ZC3H4: variants seen among roughly 807,000 people sequenced by gnomAD.
ZC3H4 encodes the protein zinc finger CCCH-type containing 4, also known as zinc finger CCCH domain-containing protein 4.
A neutral mutation model predicts 108.3 loss-of-function variants in ZC3H4; 13 were observed. The ratio of observed to expected loss-of-function variants is 0.12; its 90% CI spans 0.08 to 0.19. ZC3H4 has a LOEUF of 0.19. Ranked by LOEUF, ZC3H4 falls within the 10% of genes least tolerant of loss-of-function variation. The pLI is 1.00. For missense variants in ZC3H4, 1,734 were observed against 1,838.8 expected, an observed-to-expected ratio of 0.94 and a Z score of 1.04; for synonymous variants, 917 against 749.6, an observed-to-expected ratio of 1.22 and a Z score of -3.65.
At position 47,086,538 on chromosome 19, in the gene ZC3H4, C is replaced by T; in HGVS notation, c.716G>A (p.Gly239Asp). The change falls in exon 6 of 15, where the codon GGC becomes GAC. Residue 239 changes from glycine to aspartate, a missense_variant and splice_region_variant. By Grantham distance (94) the Gly-to-Asp change is moderately conservative (BLOSUM62 -1). This residue lies in a region of ZC3H4 where 403 missense variants were observed against 457.0 expected (regional missense o/e 0.88). Coordinates refer to ENST00000253048, the MANE Select transcript of ZC3H4 (RefSeq NM_015168.2). ...GTAGCCCCGGCCCCGGCCTCGGCTG[C>T]CTGCATGGAGATTCAGATAGTGAGC... is the stretch of plus-strand genomic sequence containing the variant. ...RAKEGSSRGR[G>D]SRGRGRGYRG... is the part of the protein sequence containing the mutation. 1 of 1,583,264 alleles carries T rather than the reference C, an allele frequency of 6.3e-7. No individual in the cohort carries two copies. The highest frequency in any genetic ancestry group is 8.5e-7 in the Non-Finnish European group (1 of 1,172,218).
intron 11 of ZC3H4, among the ~76,000 whole-genome samples, chr19:47,075,271 C>T (rs924593037): frequency 2.0e-5 from 3 of 152,140 alleles, no homozygotes; most frequent in Admixed American, 1.3e-4. Flanking sequence ...AGGCAGAACC[C>T]GCATTCTGCC....
intron 13 of ZC3H4, 55 bp from the exon 14 acceptor site, chr19:47,069,398 T>G: frequency 1.3e-6 from 2 of 1,573,284 alleles, no homozygotes; most frequent in African/African-American, 2.7e-5. Flanking sequence ...AGGTGCCAAC[T>G]CCAGCCCCCC....
At chr19:47,087,397 T>A (rs1212090145) in intron 5 of ZC3H4, among the ~76,000 whole-genome samples, 2 of 151,522 alleles carry the variant, frequency 1.3e-5, no homozygotes, top group African/African-American at 4.8e-5. Context: ...GAAAACAGAT[T>A]ATCAAAATTA....
chr19:47,104,319 AAAT>A (rs566928989), intron 2 of ZC3H4, among the ~76,000 whole-genome samples: 1 of 151,998 alleles, frequency 6.6e-6, no homozygotes, highest in Non-Finnish European at 1.5e-5. Context: ...ACTCTGTCTA[AAAT>A]AATAATAATA....
chr19:47,087,340 G>C (rs1348653992), intron 5 of ZC3H4, among the ~76,000 whole-genome samples: 1 of 151,184 alleles, frequency 6.6e-6, no homozygotes, highest in African/African-American at 2.4e-5. Context: ...TATCTCATTT[G>C]TCTAATTTGA....
rs1392805309 is a variant in ZC3H4, at chr19:47,064,896, TGAG to T, written c.*1457_*1459del. 6.6e-6 allele frequency: 1 copy of T among 152,116 alleles called. No individual in the cohort carries two copies. The highest frequency in any genetic ancestry group is 1.9e-4 in the East Asian group (1 of 5,190). 9.4% of individuals were successfully genotyped at this position (152,116 alleles called of 1,614,324 possible). On this transcript the variant is annotated 3_prime_UTR_variant, in exon 15 of 15. Coordinates refer to ENST00000253048, the MANE Select transcript of ZC3H4 (RefSeq NM_015168.2). ...GATAGGAGCCTTGTTCACCCCACCC[TGAG>T]GAGGAGGGAAGGGGAATCCCTTGGC... is the stretch of plus-strand genomic sequence containing the variant.
intron 2 of ZC3H4, chr19:47,110,922 G>C: frequency 2.0e-6 from 2 of 985,364 alleles, no homozygotes; most frequent in African/African-American, 3.5e-5. Flanking sequence ...GTCTCTGAAT[G>C]TGGGTGGCAT....
chr19:47,065,275 G>A lies in ZC3H4; in HGVS notation c.*1081C>T, dbSNP rs904398939. ...ACACCTTGGAACACCTGCATCTGCT[G>A]GCTTGGGAAAGGAAACCCGAACACA... On this transcript the variant is annotated 3_prime_UTR_variant, in exon 15 of 15. Coordinates refer to ENST00000253048, the MANE Select transcript of ZC3H4 (RefSeq NM_015168.2). 1.3e-5 allele frequency: 2 copies of A among 152,826 alleles called. No individual in the cohort carries two copies. The highest frequency in any genetic ancestry group is 4.8e-5 in the African/African-American group (2 of 41,452). 9.5% of individuals were successfully genotyped at this position (152,826 alleles called of 1,614,324 possible).
chr19:47,081,675 C>A (rs568217707), intron 10 of ZC3H4, 53 bp from the exon 11 acceptor site: 10 of 1,451,632 alleles, frequency 6.9e-6, no homozygotes, highest in African/African-American at 2.8e-5. Context: ...CCCCCTCCCC[C>A]ACCACAGACC....
intron 11 of ZC3H4, among the ~76,000 whole-genome samples, chr19:47,074,555 G>A (rs2057384433): frequency 6.6e-6 from 1 of 152,218 alleles, no homozygotes; most frequent in African/African-American, 2.4e-5. Context: ...GCTGGTGTCT[G>A]GGAAGCTGCA....
intron 2 of ZC3H4, among the ~76,000 whole-genome samples, chr19:47,096,250 CTCTT>C (rs2057818254): frequency 6.6e-6 from 1 of 152,236 alleles, no homozygotes; most frequent in Non-Finnish European, 1.5e-5. Flanking sequence ...GGACACAAAA[CTCTT>C]TCTGCTGCTT....
At position 47,066,104 on chromosome 19, in the gene ZC3H4, A is replaced by AT. The variant is rs1400005778; in HGVS notation, c.*251dup. Reference sequence around the variant, plus strand: ...GGCGAAAGTTCACAGGTTTGCGGGCATGAGTCGGTTTGCTCAGCAGGAGCC... The same window carrying AT: ...GGCGAAAGTTCACAGGTTTGCGGGCATTGAGTCGGTTTGCTCAGCAGGAGCC... On this transcript the variant is annotated 3_prime_UTR_variant, in exon 15 of 15. Coordinates refer to ENST00000253048, the MANE Select transcript of ZC3H4 (RefSeq NM_015168.2). The AT allele has an allele frequency of 1.4e-5, 5 of 353,948 alleles. No homozygotes were observed. The highest frequency in any genetic ancestry group is 2.5e-5 in the Non-Finnish European group (5 of 196,854). The allele number at this position is 353,948 out of a possible 1,614,324, so 21.9% of individuals were successfully genotyped here.
At chr19:47,112,321 T>C in intron 2 of ZC3H4, 103 bp downstream of exon 2, 4 of 1,151,526 alleles carry the variant, frequency 3.5e-6, no homozygotes, top group Non-Finnish European at 3.3e-6. Context: ...CTCCTCCTCC[T>C]CCTCCTCCTC....
At chr19:47,077,367 C>CTGAGACAGGAGAA (rs1414301313) in intron 11 of ZC3H4, among the ~76,000 whole-genome samples, 2 of 151,422 alleles carry the variant, frequency 1.3e-5, no homozygotes, top group Non-Finnish European at 2.9e-5. Context: ...ATTCAGGAGG[C>CTGAGACAGGAGAA]TGAGACAGGA....
chr19:47,084,017 A>G (rs867551051), intron 9 of ZC3H4, among the ~76,000 whole-genome samples: 2 of 152,112 alleles, frequency 1.3e-5, no homozygotes, highest in African/African-American at 4.8e-5. Flanking sequence ...CTGAAGCTCA[A>G]TAACTTCACC....
chr19:47,067,204 T>C lies in ZC3H4; in HGVS notation c.3064A>G (p.Asn1022Asp). The stretch of plus-strand genomic sequence containing the variant: ...GAGGCGCCCGGGCGCTGCCGGGCGT[T>C]GGGGGGCCCTGCCGTGGCAGCGCGG... Reference protein sequence around the residue: ...LHRAATAGPPNARQRPGASTD... With the variant: ...LHRAATAGPPDARQRPGASTD... The change falls in exon 15 of 15, where the codon AAC becomes GAC. Residue 1022 changes from asparagine (N) to aspartate (D), a missense_variant. Physicochemically the swap from Asn to Asp is conservative, Grantham distance 23 (BLOSUM62 1). Around this residue, in one of 9 missense-constraint regions of ZC3H4, gnomAD observed 518 missense variants for 499.6 expected, o/e 1.04. Transcript: ENST00000253048. The surrounding 1 kb of genome is among the most constrained non-coding windows in gnomAD (Gnocchi z 6.4). 1.2e-6 allele frequency: 2 copies of C among 1,609,050 alleles called. No homozygotes were observed. The highest frequency in any genetic ancestry group is 1.7e-6 in the Non-Finnish European group (2 of 1,177,950).
rs796657173 is a variant in ZC3H4, at chr19:47,083,322, AAG to A, written c.1218+1021_1218+1022del. Among the ~76,000 whole-genome samples the A allele has an allele frequency of 7.5e-3, 1,113 of 148,820 alleles. 11 individuals carry two copies. The highest frequency in any genetic ancestry group is 0.012 in the Admixed American group (185 of 14,976). The stretch of plus-strand genomic sequence containing the variant: ...GTCTAAAAAAAATTAAAAAAAAAAA[AAG>A]AGAGAGAGAGAGAGAGAGATGGGGT... On this transcript the variant is annotated intron_variant, in intron 9 of 14. Transcript: ENST00000253048.
intron 2 of ZC3H4, among the ~76,000 whole-genome samples, chr19:47,094,935 A>C (rs2057797932): frequency 6.6e-6 from 1 of 152,250 alleles, no homozygotes; most frequent in African/African-American, 2.4e-5. Context: ...TCACATAAGC[A>C]GGAAGAGCCC....
intron 3 of ZC3H4, 88 bp from the exon 4 acceptor site, chr19:47,094,168 G>A (rs914872250): frequency 8.9e-6 from 12 of 1,348,156 alleles, no homozygotes; most frequent in African/African-American, 1.4e-5. Flanking sequence ...ATGCTGGCAT[G>A]TGCCGCAGGG....
Sources: gnomAD v4.1 joint callset for allele counts (sites outside exome capture counted in the v4.1 genomes callset) on GRCh38, gnomAD v4.1.1 for gene constraint, gnomAD v4.1.1 regional missense constraint, Gnocchi (gnomAD v3.1) non-coding constraint, MANE v1.5 for transcripts, NCBI Gene and HGNC (gene_info 2026-07-23, HGNC 2026-07-21) for gene names.